C18orf32: variants seen among roughly 807,000 people sequenced by gnomAD.
C18orf32 encodes UPF0729 protein C18orf32.
A neutral mutation model predicts 7.4 loss-of-function variants in C18orf32; 5 were observed. The observed-to-expected ratio is 0.68, with a 90% CI of 0.35 to 1.42. C18orf32 has a LOEUF of 1.42. C18orf32 is among the 40% of genes most tolerant of loss of function. The probability of loss-of-function intolerance (pLI) is 0.04; values close to 1 mark genes in which losing one functional copy is unlikely to be tolerated. For missense variants in C18orf32, 88 were observed against 92.4 expected (o/e 0.95, Z 0.19); for synonymous variants, 30 against 29.3 (o/e 1.02, Z -0.08).
At position 49,484,150 on chromosome 18, in the gene C18orf32, ATATATAT is replaced by A. The variant is rs1568495838; in HGVS notation, c.-23-386_-23-380del. Among the ~76,000 whole-genome samples the A allele has an allele frequency of 1.0e-2, 520 of 52,216 alleles. 10 individuals are homozygous for A. The highest frequency in any genetic ancestry group is 0.018 in the African/African-American group (345 of 19,014). The allele number at this position is 52,216 out of a possible 152,430, so 34.3% of individuals were successfully genotyped here. On this transcript the variant is annotated intron_variant, in intron 1 of 2. Coordinates refer to ENST00000318240, the MANE Select transcript of C18orf32 (RefSeq NM_001035005.4). Reference sequence around the variant, plus strand: ...TCTCAAAAAAAGAAAAAAAAAAAATATATATATATATATATATACACACACACACACA... The same window carrying A: ...TCTCAAAAAAAGAAAAAAAAAAAATAATATATATATACACACACACACACA...
chr18:49,486,582 A>G (rs1377883041), intron 1 of C18orf32: 1 of 151,942 alleles, frequency 6.6e-6, no homozygotes, highest in Non-Finnish European at 1.5e-5. Context: ...GAAGGTGGCT[A>G]CGAGATATTA....
At chr18:49,484,993 A>C (rs895307920) in intron 1 of C18orf32, among the ~76,000 whole-genome samples, 1 of 152,032 alleles carries the variant, frequency 6.6e-6, no homozygotes, top group East Asian at 1.9e-4. Flanking sequence ...GAGGGGGAAG[A>C]ATTGCTTGAA....
rs1329524689 is a variant in C18orf32 at position 49,481,337 on chromosome 18, A to G, written c.*1008T>C. On this transcript the variant is annotated 3_prime_UTR_variant, in exon 3 of 3. Coordinates refer to ENST00000318240, the MANE Select transcript of C18orf32 (RefSeq NM_001035005.4). ...CAGCTTCAGAGTGAATACAAAAAATATATAAGGATGCATCTCATCATCTTT... is the reference window on the plus strand; with the variant it reads ...CAGCTTCAGAGTGAATACAAAAAATGTATAAGGATGCATCTCATCATCTTT... 1 of 152,194 alleles carries G rather than the reference A, an allele frequency of 6.6e-6. No homozygotes were observed. The highest frequency in any genetic ancestry group is 1.5e-5 in the Non-Finnish European group (1 of 68,042). The allele number at this position is 152,194 out of a possible 1,614,324, so 9.4% of individuals were successfully genotyped here.
chr18:49,485,827 G>A (rs1691208954), intron 1 of C18orf32: 1 of 152,074 alleles, frequency 6.6e-6, no homozygotes, highest in African/African-American at 2.4e-5. Flanking sequence ...TCACTGTGTT[G>A]CCCATGCTGA....
rs1363673416 is a variant in C18orf32 at position 49,482,093 on chromosome 18, TA to T, written c.*251del. The stretch of plus-strand genomic sequence containing the variant: ...CTGGCACAAACCTTCTATTTAATCA[TA>T]TTATTCAAACAGCAATAACAGAAAT... On this transcript the variant is annotated 3_prime_UTR_variant, in exon 3 of 3. Transcript: ENST00000318240. 1.9e-5 allele frequency: 8 copies of T among 414,402 alleles called. No individual in the cohort carries two copies. In the South Asian group the frequency reaches 2.3e-4, roughly 12 times the overall value. 25.7% of individuals were successfully genotyped at this position (414,402 alleles called of 1,614,324 possible). A position where few individuals can be genotyped will look rare whatever the true frequency, so the allele number is the denominator to read the frequency against.
chr18:49,478,889 A>G lies in C18orf32; in HGVS notation c.*3456T>C, dbSNP rs190804621. 5 of 140,956 alleles carry G rather than the reference A, an allele frequency of 3.5e-5. No homozygotes were observed. In the East Asian group the frequency reaches 9.6e-4, roughly 27 times the overall value. The allele number at this position is 140,956 out of a possible 1,614,324, so 8.7% of individuals were successfully genotyped here. On this transcript the variant is annotated 3_prime_UTR_variant, in exon 3 of 3. Coordinates refer to ENST00000318240, the MANE Select transcript of C18orf32 (RefSeq NM_001035005.4). ...CATACGCTTATTCAAACTGATGGCT[A>G]TTTTTGTCCACTATTCCCATGTTCT...
At chr18:49,485,586 A>C (rs1023583350) in intron 1 of C18orf32, among the ~76,000 whole-genome samples, 2 of 151,998 alleles carry the variant, frequency 1.3e-5, no homozygotes, top group South Asian at 2.1e-4. Flanking sequence ...AAAATAAAAT[A>C]AAATCAATTG....
chr18:49,485,632 G>T (rs1348343824), intron 1 of C18orf32, among the ~76,000 whole-genome samples: 1 of 150,266 alleles, frequency 6.7e-6, no homozygotes, highest in Non-Finnish European at 1.5e-5. Flanking sequence ...TTTGAGACAG[G>T]GTCTTGCTCT....
rs2083639034 is a variant in C18orf32, at chr18:49,478,916, T to C, written c.*3429A>G. 1 of 140,880 alleles carries C rather than the reference T, an allele frequency of 7.1e-6. No individual in the cohort carries two copies. The highest frequency in any genetic ancestry group is 3.2e-5 in the African/African-American group (1 of 30,854). The allele number at this position is 140,880 out of a possible 1,614,324, so 8.7% of individuals were successfully genotyped here. The stretch of plus-strand genomic sequence containing the variant: ...TTTTGTCCACTATTCCCATGTTCTT[T>C]TTCACTCTTCTGGTGTCAAACTGTC... On this transcript the variant is annotated 3_prime_UTR_variant, in exon 3 of 3. Transcript: ENST00000318240.
chr18:49,483,425 G>A (rs1008043226), intron 2 of C18orf32, among the ~76,000 whole-genome samples, 159 bp downstream of exon 2: 1 of 152,178 alleles, frequency 6.6e-6, no homozygotes, highest in African/African-American at 2.4e-5. Context: ...AAGGACAAAT[G>A]CATTAATCAG....
intron 1 of C18orf32, among the ~76,000 whole-genome samples, chr18:49,484,330 T>C (rs889047806): frequency 6.6e-6 from 1 of 151,702 alleles, no homozygotes; most frequent in African/African-American, 2.4e-5. Context: ...CAGTGGCTCA[T>C]GGCTGTAATC....
chr18:49,482,452 G>T, intron 2 of C18orf32, 42 bp from the exon 3 acceptor site: 1 of 1,464,550 alleles, frequency 6.8e-7, no homozygotes. Context: ...TAACAAGCCG[G>T]GTGCGGTGGC....
intron 2 of C18orf32, 43 bp from the exon 3 acceptor site, chr18:49,482,453 G>A (rs952549895): frequency 1.4e-6 from 2 of 1,456,152 alleles, no homozygotes; most frequent in Non-Finnish European, 1.9e-6. Flanking sequence ...AACAAGCCGG[G>A]TGCGGTGGCT....
At chr18:49,486,294 T>C (rs2083743682) in intron 1 of C18orf32, 1 of 152,100 alleles carries the variant, frequency 6.6e-6, no homozygotes, top group Non-Finnish European at 1.5e-5. Context: ...CAACTGACAA[T>C]GCTACCAGTA....
chr18:49,479,980 A>G lies in C18orf32; in HGVS notation c.*2365T>C, dbSNP rs2083647623. The G allele has an allele frequency of 6.6e-6, 1 of 152,374 alleles. No homozygotes were observed. Among genetic ancestry groups the G allele is most frequent in the Non-Finnish European group, 1.5e-5 (1 of 68,136 alleles). The allele number at this position is 152,374 out of a possible 1,614,324, so 9.4% of individuals were successfully genotyped here. ...GTGGGAGGAGCAGAGGCAGTGTAAGATAGCGGCATCTCAACCATTATGGGA... is the reference window on the plus strand; with the variant it reads ...GTGGGAGGAGCAGAGGCAGTGTAAGGTAGCGGCATCTCAACCATTATGGGA... On this transcript the variant is annotated 3_prime_UTR_variant, in exon 3 of 3. Coordinates refer to ENST00000318240, the MANE Select transcript of C18orf32 (RefSeq NM_001035005.4).
intron 1 of C18orf32, among the ~76,000 whole-genome samples, chr18:49,485,511 G>C (rs1224654559): frequency 1.3e-5 from 2 of 151,520 alleles, no homozygotes; most frequent in South Asian, 4.2e-4. Context: ...CTGAGATTGC[G>C]CCATTGCACT....
At chr18:49,483,476 A>C (rs2091776178) in intron 2 of C18orf32, 108 bp downstream of exon 2, 22 of 1,352,634 alleles carry the variant, frequency 1.6e-5, no homozygotes, top group Non-Finnish European at 2.0e-5. Flanking sequence ...AATGTTACAC[A>C]AACTATTGAA....
intron 1 of C18orf32, chr18:49,486,303 T>C (rs1243551402): frequency 6.6e-6 from 1 of 152,152 alleles, no homozygotes; most frequent in Non-Finnish European, 1.5e-5. Flanking sequence ...ATGCTACCAG[T>C]ACTAGTTTAG....
chr18:49,482,900 G>A (rs60986824), intron 2 of C18orf32, among the ~76,000 whole-genome samples: 1 of 149,712 alleles, frequency 6.7e-6, no homozygotes, highest in Admixed American at 6.7e-5. Context: ...CCAGGTTCAA[G>A]CAATTCTCCC....
Sources: gnomAD v4.1 joint callset for allele counts (sites outside exome capture counted in the v4.1 genomes callset) on GRCh38, gnomAD v4.1.1 for gene constraint, MANE v1.5 for transcripts, NCBI Gene and HGNC (gene_info 2026-07-23, HGNC 2026-07-21) for gene names.